Variants in PIP4K2A observed in about 807,000 individuals in gnomAD.
PIP4K2A encodes phosphatidylinositol 5-phosphate 4-kinase type-2 alpha.
Under a neutral mutation model 42.9 loss-of-function variants are expected in PIP4K2A, and 14 were observed. That is an observed-to-expected ratio of 0.33 (90% CI 0.22 to 0.51). The LOEUF is 0.51. Ranked by LOEUF, PIP4K2A falls within the 20% of genes least tolerant of loss-of-function variation. The pLI, the probability that PIP4K2A is intolerant of heterozygous loss-of-function variation, is 0.97. For synonymous variants in PIP4K2A, 192 were observed against 192.2 expected (o/e 1.00, Z 0.01); for missense variants, 434 against 519.8 (o/e 0.83, Z 1.61).
chr10:22,650,537 T>G (rs1838973207), intron 1 of PIP4K2A, among the ~76,000 whole-genome samples: 1 of 152,212 alleles, frequency 6.6e-6, no homozygotes, highest in Non-Finnish European at 1.5e-5. Flanking sequence ...CAGAGCACTC[T>G]ATACACAAGA....
intron 6 of PIP4K2A, among the ~76,000 whole-genome samples, chr10:22,558,845 C>T (rs1402225893): frequency 6.6e-6 from 1 of 152,140 alleles, no homozygotes; most frequent in African/African-American, 2.4e-5. Flanking sequence ...ACTGGAGAAG[C>T]GTTAAGTTAT....
rs184105239 is a variant in PIP4K2A, at chr10:22,554,657, G to A, written c.679-3885C>T. ...CGGTCAGCAACCTTTCTGAAGTGGC[G>A]GCGGGCCGAGTCTTTATTTGCGCTG... is the stretch of plus-strand genomic sequence containing the variant. On this transcript the variant is annotated intron_variant, in intron 6 of 9. Coordinates refer to ENST00000376573, the MANE Select transcript of PIP4K2A (RefSeq NM_005028.5). Among the ~76,000 whole-genome samples the A allele has an allele frequency of 9.2e-4, 140 of 152,354 alleles. 1 individual carries two copies. The highest frequency in any genetic ancestry group is 2.8e-3 in the African/African-American group (117 of 41,588).
intron 1 of PIP4K2A, among the ~76,000 whole-genome samples, chr10:22,654,001 A>G (rs1839043640): frequency 1.3e-5 from 2 of 152,202 alleles, no homozygotes; most frequent in African/African-American, 4.8e-5. Context: ...GTGCCCAAGC[A>G]TTTTATAAAC....
chr10:22,623,907 TCATCAG>T (rs1363562270), intron 1 of PIP4K2A, among the ~76,000 whole-genome samples: 1 of 152,194 alleles, frequency 6.6e-6, no homozygotes, highest in East Asian at 1.9e-4. Flanking sequence ...ACTGATGATT[TCATCAG>T]ATATGAAAAG....
At position 22,537,111 on chromosome 10, in the gene PIP4K2A, G is replaced by A. The variant is rs1835954236; in HGVS notation, c.*90C>T. ...AGGAGGTTTGCTTCCTGCAAGATGA[G>A]TACTTCACTGAGTTTGGTTTTCATT... On this transcript the variant is annotated 3_prime_UTR_variant, in exon 10 of 10. Transcript: ENST00000376573. 5 of 937,244 alleles carry A rather than the reference G, an allele frequency of 5.3e-6. No individual in the cohort carries two copies. Among genetic ancestry groups the A allele is most frequent in the African/African-American group, 1.7e-5 (1 of 60,264 alleles). The allele number at this position is 937,244 out of a possible 1,614,324, so 58.1% of individuals were successfully genotyped here. A position where few individuals can be genotyped will look rare whatever the true frequency, so the allele number is the denominator to read the frequency against.
chr10:22,547,888 G>T (rs1211769728), intron 7 of PIP4K2A, among the ~76,000 whole-genome samples: 1 of 152,232 alleles, frequency 6.6e-6, no homozygotes, highest in Non-Finnish European at 1.5e-5. Flanking sequence ...CATAGGAATA[G>T]AACAGGGCTG....
intron 4 of PIP4K2A, among the ~76,000 whole-genome samples, chr10:22,574,344 G>A (rs1202493217): frequency 1.3e-5 from 2 of 151,764 alleles, no homozygotes; most frequent in Non-Finnish European, 1.5e-5. Context: ...TTCCATTACT[G>A]TAAACACCAT....
At chr10:22,569,374 G>A (rs546592704) in intron 5 of PIP4K2A, among the ~76,000 whole-genome samples, 1 of 152,306 alleles carries the variant, frequency 6.6e-6, no homozygotes, top group African/African-American at 2.4e-5. Context: ...AACCATTCAT[G>A]AAGGCAAACC....
intron 1 of PIP4K2A, among the ~76,000 whole-genome samples, chr10:22,653,044 T>C: frequency 6.6e-6 from 1 of 151,978 alleles, no homozygotes; most frequent in East Asian, 1.9e-4. Context: ...CAGTGAGCTA[T>C]GATGGTGCTG....
intron 3 of PIP4K2A, among the ~76,000 whole-genome samples, chr10:22,605,968 TTC>T (rs760498164): frequency 6.6e-6 from 1 of 152,140 alleles, no homozygotes; most frequent in Non-Finnish European, 1.5e-5. Context: ...TCTAATAATT[TTC>T]TGTTAAAGTT....
chr10:22,544,345 G>C (rs1230944666), intron 7 of PIP4K2A, among the ~76,000 whole-genome samples: 1 of 152,122 alleles, frequency 6.6e-6, no homozygotes, highest in African/African-American at 2.4e-5. Context: ...CTTATGGTGG[G>C]CCCACTTCTC....
At chr10:22,675,384 G>C (rs1839536982) in intron 1 of PIP4K2A, among the ~76,000 whole-genome samples, 1 of 152,162 alleles carries the variant, frequency 6.6e-6, no homozygotes, top group Admixed American at 6.5e-5. Context: ...TCAGGAGTTT[G>C]AGACCAGCCT....
chr10:22,673,013 T>C (rs1447020056), intron 1 of PIP4K2A, among the ~76,000 whole-genome samples: 1 of 152,178 alleles, frequency 6.6e-6, no homozygotes, highest in Admixed American at 6.5e-5. Context: ...CCTCATTTCC[T>C]GTCTCCCTGT....
In PIP4K2A at chr10:22,607,940, T is replaced by A; in HGVS notation, c.326A>T (p.Asp109Val). 1 of 1,610,894 alleles carries A rather than the reference T, an allele frequency of 6.2e-7. No homozygotes were observed. ...RNLRERFGIDDQDFQNSLTRS... is the reference protein window; with the variant it reads ...RNLRERFGIDVQDFQNSLTRS... ...AACGCAACTCACCTGGAAATCTTGA[T>A]CATCAATTCCAAACCTCTCCCGCAG... Residue 109 changes from aspartate to valine, a missense_variant, in exon 3 of 10, where the codon GAT becomes GTT. Asp to Val is a radical substitution (Grantham distance 152). This residue lies in a region of PIP4K2A where 395 missense variants were observed against 444.5 expected (regional missense o/e 0.89). Transcript: ENST00000376573.
chr10:22,573,055 C>G (rs960286266), intron 5 of PIP4K2A, among the ~76,000 whole-genome samples: 2 of 152,224 alleles, frequency 1.3e-5, no homozygotes, highest in Non-Finnish European at 2.9e-5. Context: ...CATCCCATCA[C>G]TTCCAGCATC....
rs566490177 is a variant in PIP4K2A at position 22,681,421 on chromosome 10, C to T, written c.144+32762G>A. 2.0e-5 allele frequency among the ~76,000 whole-genome samples: 3 copies of T among 152,334 alleles called. No individual in the cohort carries two copies. The East Asian group carries it at 5.8e-4, about 29-fold the overall frequency. On this transcript the variant is annotated intron_variant, in intron 1 of 9. Coordinates refer to ENST00000376573, the MANE Select transcript of PIP4K2A (RefSeq NM_005028.5). ...AGACACAGTGGCTCATGCCTGTAAT[C>T]CCATCACCTTGAGAGGCCCAGGCAG...
intron 5 of PIP4K2A, among the ~76,000 whole-genome samples, chr10:22,572,977 TC>T (rs1837025099): frequency 6.6e-6 from 1 of 152,228 alleles, no homozygotes; most frequent in Non-Finnish European, 1.5e-5. Context: ...GACTAACTTA[TC>T]ACTTTTACTT....
intron 4 of PIP4K2A, among the ~76,000 whole-genome samples, chr10:22,582,394 C>A (rs1837299675): frequency 6.6e-6 from 1 of 151,732 alleles, no homozygotes; most frequent in Admixed American, 6.6e-5. Flanking sequence ...AGATTCACAG[C>A]TGACTGAAGG....
chr10:22,553,792 T>A (rs1836468296), intron 6 of PIP4K2A, among the ~76,000 whole-genome samples: 2 of 24,110 alleles, frequency 8.3e-5, no homozygotes, highest in African/African-American at 2.9e-4. Context: ...TGAAAAACTT[T>A]TTTTTTTTTT....
Sources: allele counts gnomAD v4.1 joint callset (sites outside exome capture counted in the v4.1 genomes callset), GRCh38; gene constraint gnomAD v4.1.1; regional missense constraint gnomAD v4.1.1; transcripts MANE v1.5; gene names NCBI Gene and HGNC (gene_info 2026-07-23, HGNC 2026-07-21).